GALNT14: variants seen among roughly 807,000 people sequenced by gnomAD.
GALNT14 encodes the protein polypeptide N-acetylgalactosaminyltransferase 14.
A neutral mutation model predicts 77.5 loss-of-function variants in GALNT14; 60 were observed. The ratio of observed to expected loss-of-function variants is 0.77; its 90% CI spans 0.63 to 0.96. GALNT14 has a LOEUF of 0.96. Among genes scored for constraint, GALNT14 ranks in the 40% least tolerant of loss-of-function variants. GALNT14 has a pLI of 0.00. For missense variants in GALNT14, 710 were observed against 731.0 expected (o/e 0.97, Z 0.33); for synonymous variants, 280 against 281.7 (o/e 0.99, Z 0.06).
intron 2 of GALNT14, among the ~76,000 whole-genome samples, chr2:30,966,590 T>C (rs887072588): frequency 6.6e-6 from 1 of 152,208 alleles, no homozygotes; most frequent in African/African-American, 2.4e-5. Flanking sequence ...ATTTCTTGCA[T>C]GCCTGAGCCA....
intron 1 of GALNT14, among the ~76,000 whole-genome samples, chr2:31,066,934 C>T (rs905797725): frequency 6.6e-6 from 1 of 152,128 alleles, no homozygotes. Context: ...TGCTGCACAC[C>T]CACCTACCTC....
At chr2:30,893,767 C>A in the GALNT14 span, among the ~76,000 whole-genome samples, 1,644 of 149,502 alleles carry the variant, frequency 0.011, 39 homozygotes, top group African/African-American at 0.038. Context: ...CAACTATTAC[C>A]TTGATTAAAA....
chr2:30,942,962 T>C (rs1036462841), intron 8 of GALNT14, among the ~76,000 whole-genome samples: 4 of 152,068 alleles, frequency 2.6e-5, no homozygotes, highest in Non-Finnish European at 4.4e-5. Context: ...GGTGTCCTTA[T>C]AAAAAGGGGA....
chr2:31,004,512 A>G (rs1255342049), intron 1 of GALNT14, among the ~76,000 whole-genome samples: 3 of 152,134 alleles, frequency 2.0e-5, no homozygotes, highest in South Asian at 2.1e-4. Flanking sequence ...TGCACAGTTG[A>G]GCCATCTTGG....
intron 3 of GALNT14, among the ~76,000 whole-genome samples, chr2:30,962,655 C>T (rs762663887): frequency 2.0e-5 from 3 of 152,290 alleles, no homozygotes; most frequent in African/African-American, 7.2e-5. Flanking sequence ...TCTGTGTGCC[C>T]GATTGAGCCT....
At chr2:31,131,617 T>C (rs1047388403) in intron 1 of GALNT14, among the ~76,000 whole-genome samples, 2 of 152,094 alleles carry the variant, frequency 1.3e-5, no homozygotes, top group Non-Finnish European at 2.9e-5. Flanking sequence ...GGTTCCTGGG[T>C]GTCTGACAAT....
intron 2 of GALNT14, among the ~76,000 whole-genome samples, chr2:30,971,772 G>A (rs1558455023): frequency 6.6e-6 from 1 of 151,396 alleles, no homozygotes; most frequent in Non-Finnish European, 1.5e-5. Context: ...CCCTGCACCT[G>A]AATATGTGAC....
intron 1 of GALNT14, among the ~76,000 whole-genome samples, chr2:31,075,699 C>T (rs1675734130): frequency 1.3e-5 from 2 of 152,230 alleles, no homozygotes; most frequent in African/African-American, 4.8e-5. Flanking sequence ...CAGGCTGCTG[C>T]TTTTCCTTTC....
At chr2:31,097,147 GA>G (rs1677043454) in intron 1 of GALNT14, among the ~76,000 whole-genome samples, 1 of 152,078 alleles carries the variant, frequency 6.6e-6, no homozygotes, top group African/African-American at 2.4e-5. Flanking sequence ...TACAGTGATG[GA>G]ATCTTCTTCC....
At chr2:30,911,882 G>A (rs1273029976) in intron 14 of GALNT14, among the ~76,000 whole-genome samples, 3 of 152,204 alleles carry the variant, frequency 2.0e-5, no homozygotes, top group African/African-American at 7.2e-5. Flanking sequence ...CTGAAGGCAA[G>A]GGTCAAGTCT....
chr2:31,076,473 A>G (rs543829668), intron 1 of GALNT14, among the ~76,000 whole-genome samples: 3 of 152,244 alleles, frequency 2.0e-5, no homozygotes, highest in African/African-American at 7.2e-5. Context: ...AGAAGCCTGT[A>G]TCAATCAGCA....
intron 1 of GALNT14, chr2:31,125,128 C>T: frequency 2.0e-6 from 3 of 1,507,486 alleles, no homozygotes; most frequent in Non-Finnish European, 2.7e-6. Flanking sequence ...GCACCTCACA[C>T]TCCTGGGGAC....
intron 6 of GALNT14, among the ~76,000 whole-genome samples, chr2:30,951,841 A>G (rs1277544986): frequency 6.6e-6 from 1 of 152,160 alleles, no homozygotes; most frequent in East Asian, 1.9e-4. Flanking sequence ...GCAGCCCCCA[A>G]TATCCAAAGA....
chr2:31,001,848 T>C (rs1254134229), intron 1 of GALNT14, among the ~76,000 whole-genome samples: 1 of 150,304 alleles, frequency 6.7e-6, no homozygotes, highest in Admixed American at 6.7e-5. Flanking sequence ...CAAATAAAAA[T>C]AAGTAAAATA....
rs530565205 is a variant in GALNT14 at position 31,035,618 on chromosome 2, T to TACACACAC, written c.130-42619_130-42612dup. On this transcript the variant is annotated intron_variant, in intron 1 of 14. Coordinates refer to ENST00000349752, the MANE Select transcript of GALNT14 (RefSeq NM_024572.4). ...ATACATATACACACACACACACACC[T>TACACACAC]ACACACACACACACACACACACACA... Among the ~76,000 whole-genome samples the TACACACAC allele has an allele frequency of 2.1e-3, 110 of 51,286 alleles. 1 individual carries two copies. The highest frequency in any genetic ancestry group is 3.3e-3 in the Non-Finnish European group (86 of 25,746). The allele number at this position is 51,286 out of a possible 152,430, so 33.6% of individuals were successfully genotyped here. A position where few individuals can be genotyped will look rare whatever the true frequency, so the allele number is the denominator to read the frequency against.
intron 13 of GALNT14, among the ~76,000 whole-genome samples, chr2:30,923,185 CCTGAGTAG>C (rs1029170839): frequency 3.3e-5 from 5 of 151,614 alleles, no homozygotes; most frequent in African/African-American, 1.2e-4. Context: ...GCCTCAGCCC[CCTGAGTAG>C]CTGGGATTAC....
At chr2:31,137,512 G>A (rs1027288340) in intron 1 of GALNT14, among the ~76,000 whole-genome samples, 4 of 152,054 alleles carry the variant, frequency 2.6e-5, no homozygotes, top group Admixed American at 1.3e-4. Flanking sequence ...CGGCGCACCC[G>A]GCCTCCGGCC....
chr2:31,111,779 T>G (rs868674246), intron 1 of GALNT14, among the ~76,000 whole-genome samples: 4 of 152,202 alleles, frequency 2.6e-5, no homozygotes, highest in Non-Finnish European at 4.4e-5. Context: ...AAGGTCCTTA[T>G]CCGATGTTAG....
At chr2:31,045,544 C>G (rs1485585853) in intron 1 of GALNT14, among the ~76,000 whole-genome samples, 1 of 152,166 alleles carries the variant, frequency 6.6e-6, no homozygotes, top group East Asian at 1.9e-4. Context: ...CTCACTGCAA[C>G]CTCCGCCTCC....
Sources: gnomAD v4.1 joint callset for allele counts (sites outside exome capture counted in the v4.1 genomes callset) on GRCh38, gnomAD v4.1.1 for gene constraint, MANE v1.5 for transcripts, NCBI Gene and HGNC (gene_info 2026-07-23, HGNC 2026-07-21) for gene names.